Variants in CCDC34 observed in about 807,000 individuals in gnomAD.
CCDC34 encodes coiled-coil domain-containing protein 34.
A neutral mutation model predicts 44.1 loss-of-function variants in CCDC34; 40 were observed. That is an observed-to-expected ratio of 0.91 (90% confidence interval 0.70 to 1.18). CCDC34 has a LOEUF of 1.18. Ranked by LOEUF, CCDC34 falls within the 50% of genes most tolerant of loss-of-function variation. The pLI, the probability that CCDC34 is intolerant of heterozygous loss-of-function variation, is 0.00. For synonymous variants in CCDC34, 159 were observed against 158.2 expected (o/e 1.01, Z -0.04); for missense variants, 466 against 452.3 (o/e 1.03, Z -0.28).
chr11:27,345,010 A>C (rs1387183355), intron 3 of CCDC34, among the ~76,000 whole-genome samples: 1 of 152,206 alleles, frequency 6.6e-6, no homozygotes, highest in Non-Finnish European at 1.5e-5. Flanking sequence ...AATCAATAGA[A>C]TAGACTAGAA....
intron 2 of CCDC34, among the ~76,000 whole-genome samples, chr11:27,353,526 C>A (rs1862532895): frequency 6.6e-6 from 1 of 151,890 alleles, no homozygotes; most frequent in African/African-American, 2.4e-5. Flanking sequence ...ACTAGTTTTT[C>A]ATAATGCTTG....
chr11:27,357,295 T>C, intron 2 of CCDC34, 108 bp downstream of exon 2: 2 of 1,071,666 alleles, frequency 1.9e-6, no homozygotes, highest in Non-Finnish European at 1.3e-6. Context: ...CTAACATAAA[T>C]GCAAAGACTT....
At chr11:27,351,385 A>G (rs566973028) in intron 2 of CCDC34, among the ~76,000 whole-genome samples, 25 of 152,280 alleles carry the variant, frequency 1.6e-4, no homozygotes, top group African/African-American at 6.0e-4. Flanking sequence ...TGACACCAAG[A>G]ACATCTCTTT....
chr11:27,362,119 G>C (rs1862672797), intron 1 of CCDC34, among the ~76,000 whole-genome samples: 1 of 152,208 alleles, frequency 6.6e-6, no homozygotes, highest in South Asian at 2.1e-4. Flanking sequence ...TAAGTGGATT[G>C]ATTTAGGCTT....
At chr11:27,343,229 C>A (rs113874448) in intron 3 of CCDC34, among the ~76,000 whole-genome samples, 1 of 151,898 alleles carries the variant, frequency 6.6e-6, no homozygotes. Flanking sequence ...GGTGAAACCC[C>A]GTCTCTACTA....
At chr11:27,340,599 A>C in intron 5 of CCDC34, 97 bp downstream of exon 5, 1 of 1,259,378 alleles carries the variant, frequency 7.9e-7, no homozygotes, top group South Asian at 1.9e-5. Flanking sequence ...AATTTGAAAG[A>C]AAAATAATTT....
At chr11:27,342,971 G>C (rs1391835922) in intron 3 of CCDC34, among the ~76,000 whole-genome samples, 2 of 152,306 alleles carry the variant, frequency 1.3e-5, no homozygotes, top group East Asian at 3.9e-4. Context: ...ATAATTATGA[G>C]CCAAGAAAAG....
chr11:27,338,929 C>T lies in CCDC34; in HGVS notation c.1014G>A (p.Arg338=), dbSNP rs1862316047. The T allele has an allele frequency of 1.2e-6, 2 of 1,613,790 alleles. No homozygotes were observed. The change falls in exon 6 of 6, where the codon AGG becomes AGA. Residue 338 remains arginine, a synonymous_variant. Coordinates refer to ENST00000328697, the MANE Select transcript of CCDC34 (RefSeq NM_030771.2). ...PPKEAKDLSG[R]KSKRPVISQP... Reference sequence around the variant, plus strand: ...GACTTATCACAGGTCTTTTACTCTTCCTTCCTGATAGATCCTTAGCTTCTT... The same window carrying T: ...GACTTATCACAGGTCTTTTACTCTTTCTTCCTGATAGATCCTTAGCTTCTT...
intron 2 of CCDC34, among the ~76,000 whole-genome samples, chr11:27,353,656 G>C (rs1046293864): frequency 4.6e-5 from 7 of 152,080 alleles, no homozygotes; most frequent in African/African-American, 1.7e-4. Flanking sequence ...CCACAGAGAT[G>C]TCTGAAACAA....
chr11:27,340,807 G>A lies in CCDC34; in HGVS notation c.796C>T (p.Gln266Ter), dbSNP rs142747655. 6.8e-6 allele frequency: 11 copies of A among 1,612,518 alleles called. No homozygotes were observed. Among genetic ancestry groups the A allele is most frequent in the African/African-American group, 2.7e-5 (2 of 74,822 alleles). Residue 266 changes from glutamine (Q) to a stop codon, truncating the protein, a stop_gained, in exon 5 of 6, where the codon CAG becomes TAG. Coordinates refer to ENST00000328697, the MANE Select transcript of CCDC34 (RefSeq NM_030771.2). LOFTEE classifies it high-confidence loss of function. ...TTTTCTGCTATTTCCTTTTTCTCCT[G>A]TATTTCAGCTTGCTGTTGTTTTTCT... ...EKEKQQQAEI[Q>*]EKKEIAEKKF... is the part of the protein sequence containing the mutation.
At chr11:27,354,814 A>G (rs1335148946) in intron 2 of CCDC34, among the ~76,000 whole-genome samples, 1 of 152,044 alleles carries the variant, frequency 6.6e-6, no homozygotes, top group Non-Finnish European at 1.5e-5. Context: ...AGCTGTGATC[A>G]CGCCACTACA....
intron 4 of CCDC34, 38 bp from the exon 5 acceptor site, chr11:27,340,875 C>T (rs774906209): frequency 6.3e-7 from 1 of 1,594,000 alleles, no homozygotes; most frequent in Non-Finnish European, 8.6e-7. Flanking sequence ...CAGGGATATT[C>T]TGTAACTATA....
chr11:27,359,439 C>G (rs1322115127), intron 1 of CCDC34, among the ~76,000 whole-genome samples: 3 of 152,092 alleles, frequency 2.0e-5, no homozygotes, highest in African/African-American at 7.2e-5. Context: ...GTAAAACAGC[C>G]TGGGGTGAAA....
chr11:27,354,649 T>C (rs539209161), intron 2 of CCDC34, among the ~76,000 whole-genome samples: 1 of 151,538 alleles, frequency 6.6e-6, no homozygotes, highest in East Asian at 1.9e-4. Flanking sequence ...AGCCCAGGAG[T>C]TGGAGGCCAG....
At chr11:27,356,071 T>C (rs1024311300) in intron 2 of CCDC34, among the ~76,000 whole-genome samples, 3 of 136,718 alleles carry the variant, frequency 2.2e-5, no homozygotes, top group Admixed American at 8.2e-5. Context: ...CAGGCTGGAG[T>C]ACAATGGTGT....
At chr11:27,345,959 C>G (rs1169733640) in intron 3 of CCDC34, among the ~76,000 whole-genome samples, 6 of 151,948 alleles carry the variant, frequency 3.9e-5, no homozygotes, top group Non-Finnish European at 8.8e-5. Flanking sequence ...TGTTTCCTGA[C>G]TTTTTAATGA....
intron 3 of CCDC34, among the ~76,000 whole-genome samples, chr11:27,342,312 TATATAC>T (rs1334357854): frequency 2.0e-4 from 26 of 133,286 alleles, no homozygotes; most frequent in African/African-American, 4.9e-4. Context: ...TATATATATA[TATATAC>T]ACACACACAC....
intron 1 of CCDC34, among the ~76,000 whole-genome samples, chr11:27,359,863 C>T (rs551019462): frequency 6.6e-6 from 1 of 152,312 alleles, no homozygotes; most frequent in East Asian, 1.9e-4. Flanking sequence ...AACTCCAGCA[C>T]TGCCTGGAGC....
At chr11:27,349,600 C>A in intron 3 of CCDC34, 1 of 981,670 alleles carries the variant, frequency 1.0e-6, no homozygotes. Context: ...GTAAAAATCA[C>A]AACAGAAGAC....
Sources: allele counts gnomAD v4.1 joint callset (sites outside exome capture counted in the v4.1 genomes callset), GRCh38; gene constraint gnomAD v4.1.1; transcripts MANE v1.5; gene names NCBI Gene and HGNC (gene_info 2026-07-23, HGNC 2026-07-21).